IL16: variants seen among roughly 807,000 people sequenced by gnomAD.
The protein encoded by IL16 is pro-interleukin-16.
In IL16, 67 loss-of-function variants were observed where a neutral mutation model predicts 110.1. That is an observed-to-expected ratio of 0.61 (90% CI 0.50 to 0.75). The LOEUF is 0.75. IL16 is among the 30% of genes least tolerant of loss of function. The pLI is 0.00. For synonymous variants in IL16, 689 were observed against 662.9 expected (o/e 1.04, Z -0.61); for missense variants, 1,545 against 1,655.0 (o/e 0.93, Z 1.15).
At chr15:81,223,810 A>T (rs569032969) in intron 1 of IL16, among the ~76,000 whole-genome samples, 1 of 152,212 alleles carries the variant, frequency 6.6e-6, no homozygotes, top group Non-Finnish European at 1.5e-5. Flanking sequence ...TCTGTTCAGG[A>T]GTGAGAGTGT....
At chr15:81,259,433 C>T (rs1898072246) in intron 2 of IL16, among the ~76,000 whole-genome samples, 1 of 152,192 alleles carries the variant, frequency 6.6e-6, no homozygotes, top group Non-Finnish European at 1.5e-5. Context: ...TGCATTTTCT[C>T]CAAGATCAAC....
chr15:81,271,272 ATAAAT>A (rs1298628869), intron 5 of IL16, among the ~76,000 whole-genome samples: 11 of 147,974 alleles, frequency 7.4e-5, no homozygotes, highest in East Asian at 3.9e-4. Flanking sequence ...ATAAAATAAA[ATAAAT>A]TAAATAAAAT....
At chr15:81,205,231 G>A (rs931367546) in intron 1 of IL16, among the ~76,000 whole-genome samples, 3 of 149,572 alleles carry the variant, frequency 2.0e-5, no homozygotes, top group African/African-American at 7.4e-5. Context: ...GCTTGAATCT[G>A]GGAGGCGGAG....
rs1293209844 is a variant in IL16, at chr15:81,300,399, ACAT to A, written c.3081_3083del (p.Ser1028del). ...CATCCCCAAGGAAGGGGCATCTCCA[ACAT>A]CATCATCCAACGAAGACTCAGCTGC... On this transcript the variant is annotated inframe_deletion, in exon 14 of 19. Transcript: ENST00000683961. The A allele has an allele frequency of 6.2e-7, 1 of 1,614,184 alleles. No homozygotes were observed. The highest frequency in any genetic ancestry group is 1.1e-5 in the South Asian group (1 of 91,084).
At chr15:81,294,181 G>T (rs17875489) in intron 12 of IL16, among the ~76,000 whole-genome samples, 1 of 152,344 alleles carries the variant, frequency 6.6e-6, no homozygotes, top group Admixed American at 6.5e-5. Context: ...GAAAGTGAAG[G>T]AGGGAGGAGG....
intron 8 of IL16, among the ~76,000 whole-genome samples, chr15:81,280,582 C>T (rs1006605397): frequency 6.6e-6 from 1 of 152,330 alleles, no homozygotes; most frequent in Non-Finnish European, 1.5e-5. Flanking sequence ...TTGGAATCCA[C>T]TTGCAGCCAT....
chr15:81,250,602 G>T (rs954579913), intron 2 of IL16, among the ~76,000 whole-genome samples: 7 of 152,146 alleles, frequency 4.6e-5, no homozygotes, highest in Non-Finnish European at 8.8e-5. Context: ...GCTGGTTCCT[G>T]CAGAGAAGAT....
chr15:81,187,906 C>A (rs1047443916), intron 1 of IL16, among the ~76,000 whole-genome samples: 3 of 152,120 alleles, frequency 2.0e-5, no homozygotes, highest in Non-Finnish European at 4.4e-5. Flanking sequence ...GGAGAGTGGT[C>A]CTGGCTATCT....
At chr15:81,248,448 A>G (rs1214018050) in intron 2 of IL16, among the ~76,000 whole-genome samples, 1 of 151,100 alleles carries the variant, frequency 6.6e-6, no homozygotes, top group Non-Finnish European at 1.5e-5. Context: ...TGTCTTGACA[A>G]TCTTTGCTTC....
chr15:81,290,401 C>T, intron 10 of IL16, 52 bp from the exon 11 acceptor site: 1 of 1,346,550 alleles, frequency 7.4e-7, no homozygotes, highest in Non-Finnish European at 1.0e-6. Context: ...GGCTGGGAGC[C>T]TGATGCAGGA....
intron 8 of IL16, among the ~76,000 whole-genome samples, chr15:81,280,575 G>A (rs1899128907): frequency 6.6e-6 from 1 of 152,246 alleles, no homozygotes; most frequent in Non-Finnish European, 1.5e-5. Context: ...TAGAGGCTTG[G>A]AATCCACTTG....
chr15:81,243,357 GT>G (rs1555416994), intron 2 of IL16, among the ~76,000 whole-genome samples: 1 of 148,522 alleles, frequency 6.7e-6, no homozygotes. Context: ...TATTTTCTTA[GT>G]TTTTTTTGTA....
chr15:81,308,524 C>A, intron 18 of IL16, 81 bp from the exon 19 acceptor site: 2 of 1,041,070 alleles, frequency 1.9e-6, no homozygotes, highest in Non-Finnish European at 1.4e-6. Context: ...GCTATCCTGG[C>A]TCTTTGGAGA....
chr15:81,265,996 C>T (rs971314880), intron 4 of IL16, among the ~76,000 whole-genome samples, 195 bp downstream of exon 4: 6 of 152,190 alleles, frequency 3.9e-5, no homozygotes, highest in Admixed American at 2.0e-4. Context: ...AATGGTCATC[C>T]ATTGAGCGCC....
intron 2 of IL16, among the ~76,000 whole-genome samples, chr15:81,255,177 T>A (rs1897902465): frequency 6.6e-6 from 1 of 152,210 alleles, no homozygotes; most frequent in African/African-American, 2.4e-5. Flanking sequence ...GGTCCAAAAA[T>A]GTGTGCACTG....
chr15:81,221,595 G>A (rs774409960), intron 1 of IL16, among the ~76,000 whole-genome samples: 3 of 151,890 alleles, frequency 2.0e-5, no homozygotes, highest in East Asian at 1.9e-4. Flanking sequence ...CCTCCCTCTC[G>A]ATGCCAGGCC....
chr15:81,191,992 A>G (rs910764670), upstream of IL16, among the ~76,000 whole-genome samples: 1 of 152,204 alleles, frequency 6.6e-6, no homozygotes, highest in African/African-American at 2.4e-5. Flanking sequence ...GGTGGAGCAC[A>G]GGGCATTTTT....
At chr15:81,213,901 ATTTTGATCCTGTCCTCATG>A (rs1256007793) in intron 1 of IL16, among the ~76,000 whole-genome samples, 1 of 152,184 alleles carries the variant, frequency 6.6e-6, no homozygotes, top group South Asian at 2.1e-4. Flanking sequence ...GATATGCGTG[ATTTTGATCCTGTCCTCATG>A]TTTTGATCCT....
intron 2 of IL16, among the ~76,000 whole-genome samples, chr15:81,259,129 T>G (rs1350816770): frequency 6.6e-6 from 1 of 152,218 alleles, no homozygotes; most frequent in Non-Finnish European, 1.5e-5. Flanking sequence ...ATTAAATATT[T>G]GCATATAGTA....
Sources: gnomAD v4.1 joint callset for allele counts (sites outside exome capture counted in the v4.1 genomes callset) on GRCh38, gnomAD v4.1.1 for gene constraint, MANE v1.5 for transcripts, NCBI Gene and HGNC (gene_info 2026-07-23, HGNC 2026-07-21) for gene names.